Variants in FBXL17 observed in about 807,000 individuals in gnomAD.
FBXL17 encodes F-box and leucine rich repeat protein 17.
In FBXL17, 22 loss-of-function variants were observed where a neutral mutation model predicts 66.2. The ratio of observed to expected loss-of-function variants is 0.33; its 90% CI spans 0.24 to 0.47. The LOEUF (loss-of-function observed/expected upper bound fraction) is 0.47. FBXL17 is among the 20% of genes least tolerant of loss of function. The pLI, the probability that FBXL17 is intolerant of heterozygous loss-of-function variation, is 1.00. For missense variants in FBXL17, 878 were observed against 948.2 expected, an observed-to-expected ratio of 0.93 and a Z score of 0.97; for synonymous variants, 474 against 400.5, an observed-to-expected ratio of 1.18 and a Z score of -2.19.
intron 4 of FBXL17, among the ~76,000 whole-genome samples, chr5:108,284,197 G>C (rs1320075082): frequency 6.6e-6 from 1 of 151,630 alleles, no homozygotes; most frequent in Non-Finnish European, 1.5e-5. Context: ...TCTACGCAAA[G>C]GAAAAGAAAT....
chr5:108,379,156 CT>C (rs902003137), intron 1 of FBXL17, among the ~76,000 whole-genome samples: 2 of 151,866 alleles, frequency 1.3e-5, no homozygotes, highest in Admixed American at 1.3e-4. Flanking sequence ...GATCATGTCC[CT>C]TTTTTTTCTC....
At chr5:107,990,198 GGCATACA>G (rs1753186192) in intron 7 of FBXL17, among the ~76,000 whole-genome samples, 1 of 152,152 alleles carries the variant, frequency 6.6e-6, no homozygotes, top group African/African-American at 2.4e-5. Flanking sequence ...TTTCAGCTGG[GGCATACA>G]GAACTGGGGC....
At chr5:108,269,023 A>G (rs954722943) in intron 4 of FBXL17, among the ~76,000 whole-genome samples, 2 of 152,000 alleles carry the variant, frequency 1.3e-5, no homozygotes, top group African/African-American at 4.8e-5. Context: ...AAGGGACTTC[A>G]GTTAGGGTGG....
intron 6 of FBXL17, among the ~76,000 whole-genome samples, chr5:108,079,621 C>A (rs989337748): frequency 3.3e-5 from 5 of 152,022 alleles, no homozygotes; most frequent in African/African-American, 1.2e-4. Flanking sequence ...CCATTATTAA[C>A]CTCTGCTTAA....
At chr5:107,887,081 G>A (rs1002334688) in intron 7 of FBXL17, among the ~76,000 whole-genome samples, 1 of 152,190 alleles carries the variant, frequency 6.6e-6, no homozygotes, top group African/African-American at 2.4e-5. Flanking sequence ...AATTGTTTCA[G>A]TGTTAATTTC....
chr5:108,179,177 T>C (rs957725305), intron 6 of FBXL17, among the ~76,000 whole-genome samples: 3 of 152,214 alleles, frequency 2.0e-5, no homozygotes. Flanking sequence ...AAATATTTTA[T>C]ATCACCAACA....
At chr5:108,209,383 G>A (rs1344080980) in intron 5 of FBXL17, among the ~76,000 whole-genome samples, 1 of 152,138 alleles carries the variant, frequency 6.6e-6, no homozygotes, top group Non-Finnish European at 1.5e-5. Context: ...TCCTTGTCTG[G>A]TGCCGGTTTT....
chr5:108,351,676 C>G (rs541683414), intron 3 of FBXL17, among the ~76,000 whole-genome samples: 33 of 152,306 alleles, frequency 2.2e-4, no homozygotes, highest in African/African-American at 7.9e-4. Context: ...AGTGCTAAAG[C>G]TGACATCTTG....
At chr5:108,029,775 T>A (rs1407201806) in intron 6 of FBXL17, among the ~76,000 whole-genome samples, 7 of 152,070 alleles carry the variant, frequency 4.6e-5, no homozygotes, top group Non-Finnish European at 1.5e-5. Context: ...TGATTTTGGT[T>A]ATTTTTTTTT....
intron 4 of FBXL17, among the ~76,000 whole-genome samples, chr5:108,228,753 A>C (rs545781467): frequency 1.3e-5 from 2 of 152,318 alleles, no homozygotes; most frequent in East Asian, 3.9e-4. Flanking sequence ...CCTGGTTATC[A>C]CAAGAGATCC....
chr5:108,274,054 G>C (rs1294415889), intron 4 of FBXL17, among the ~76,000 whole-genome samples: 1 of 152,100 alleles, frequency 6.6e-6, no homozygotes, highest in Non-Finnish European at 1.5e-5. Context: ...CTATAAGAAA[G>C]AATGAAAAAT....
At chr5:108,355,260 C>CTTTCTTTA (rs1554092762) in intron 3 of FBXL17, among the ~76,000 whole-genome samples, 1 of 141,410 alleles carries the variant, frequency 7.1e-6, no homozygotes, top group African/African-American at 2.6e-5. Context: ...GGATGAAAAA[C>CTTTCTTTA]TTTATTTATT....
intron 7 of FBXL17, among the ~76,000 whole-genome samples, chr5:107,884,831 T>G (rs1280961192): frequency 1.3e-5 from 2 of 152,204 alleles, no homozygotes; most frequent in Non-Finnish European, 2.9e-5. Context: ...AGATGACAGA[T>G]GTAAGGGACT....
intron 4 of FBXL17, among the ~76,000 whole-genome samples, chr5:108,239,284 T>A (rs1006156995): frequency 6.6e-6 from 1 of 152,140 alleles, no homozygotes; most frequent in Non-Finnish European, 1.5e-5. Flanking sequence ...TAACTTCATA[T>A]CATCGAAAGA....
Position 108,060,643 on chromosome 5 carries a change from A to G in FBXL17, c.1746-39642T>C, listed in dbSNP as rs151032594. Among the ~76,000 whole-genome samples the G allele has an allele frequency of 1.6e-3, 236 of 152,218 alleles. 1 individual carries two copies. Among genetic ancestry groups the G allele is most frequent in the South Asian group, 0.014 (68 of 4,816 alleles). ...AGAAAATCAACAACTTCTAACCAGTATATTTAAATCTCTCAGTTCCCATAG... is the reference window on the plus strand; with the variant it reads ...AGAAAATCAACAACTTCTAACCAGTGTATTTAAATCTCTCAGTTCCCATAG... On this transcript the variant is annotated intron_variant, in intron 6 of 8. Coordinates refer to ENST00000542267, the MANE Select transcript of FBXL17 (RefSeq NM_001163315.3).
intron 1 of FBXL17, among the ~76,000 whole-genome samples, chr5:108,377,153 T>G (rs1307632398): frequency 1.3e-5 from 2 of 152,202 alleles, no homozygotes; most frequent in Non-Finnish European, 2.9e-5. Flanking sequence ...TGTATCTGGG[T>G]TAAGAAGGGC....
chr5:108,266,622 A>T (rs1339079148), intron 4 of FBXL17, among the ~76,000 whole-genome samples: 1 of 152,140 alleles, frequency 6.6e-6, no homozygotes. Flanking sequence ...TCCTTTAAGT[A>T]AAAAGGTAGC....
At chr5:108,148,068 T>C (rs139267283) in intron 6 of FBXL17, among the ~76,000 whole-genome samples, 1,731 of 152,240 alleles carry the variant, frequency 0.011, 47 homozygotes, top group African/African-American at 0.039. Context: ...TTATCTCAGA[T>C]GGAAGGACAG....
rs188317636 is a variant in FBXL17 at position 108,075,500 on chromosome 5, G to A, written c.1746-54499C>T. Among the ~76,000 whole-genome samples, 487 of 152,256 alleles carry A rather than the reference G, an allele frequency of 3.2e-3. 3 individuals are homozygous for A. Among genetic ancestry groups the A allele is most frequent in the African/African-American group, 0.011 (462 of 41,552 alleles). ...GTGTTGTTTGTTTTGTTTTGAGATG[G>A]AGTTTCGCTCTTGTTGCCCAGGCTG... On this transcript the variant is annotated intron_variant, in intron 6 of 8. Coordinates refer to ENST00000542267, the MANE Select transcript of FBXL17 (RefSeq NM_001163315.3).
Sources: allele counts gnomAD v4.1 joint callset (sites outside exome capture counted in the v4.1 genomes callset), GRCh38; gene constraint gnomAD v4.1.1; transcripts MANE v1.5; gene names NCBI Gene and HGNC (gene_info 2026-07-23, HGNC 2026-07-21).